The following SYNJ2 variants were observed in gnomAD, a reference collection of about 807,000 sequenced individuals.
SYNJ2 encodes polyphosphatidylinositol phosphatase SYNJ2.
SYNJ2 carries 116 observed loss-of-function variants against 141.3 expected under a neutral mutation model. That is an observed-to-expected ratio of 0.82 (90% CI 0.71 to 0.96). SYNJ2 has a LOEUF of 0.96. SYNJ2 is among the 40% of genes least tolerant of loss of function. The pLI is 0.00. For synonymous variants in SYNJ2, 745 were observed against 777.7 expected, an observed-to-expected ratio of 0.96 and a Z score of 0.70; for missense variants, 1,873 against 1,934.8, an observed-to-expected ratio of 0.97 and a Z score of 0.60.
intron 6 of SYNJ2, 75 bp downstream of exon 6, chr6:158,055,103 G>T: frequency 5.2e-6 from 8 of 1,540,396 alleles, no homozygotes; most frequent in Non-Finnish European, 7.1e-6. Context: ...ACACAAGGGA[G>T]AGGGTGCGAC....
chr6:158,086,985 T>A lies in SYNJ2; in HGVS notation c.3339T>A (p.Pro1113=). ...RPPQPPQRPP[P]PTGLMVKKSA... ...CTCAACCCCCGCAGAGACCCCCCCC[T>A]CCAAGTAAGACTCTGCTTGCTTTCA... The change falls in exon 23 of 27, where the codon CCT becomes CCA. Residue 1113 remains proline (P), a synonymous_variant. Transcript: ENST00000355585. The A allele has an allele frequency of 1.1e-6, 1 of 916,300 alleles. No individual in the cohort carries two copies. The highest frequency in any genetic ancestry group is 1.5e-6 in the Non-Finnish European group (1 of 660,492). 56.8% of individuals were successfully genotyped at this position (916,300 alleles called of 1,614,324 possible).
chr6:158,068,407 C>T (rs889747831), intron 12 of SYNJ2, among the ~76,000 whole-genome samples: 8 of 152,254 alleles, frequency 5.3e-5, no homozygotes, highest in African/African-American at 1.9e-4. Flanking sequence ...AAATTCTGAC[C>T]TCCCCTGTTC....
chr6:158,086,912 A>G lies in SYNJ2; in HGVS notation c.3266A>G (p.His1089Arg), dbSNP rs749142831. 1 of 1,609,634 alleles carries G rather than the reference A, an allele frequency of 6.2e-7. No homozygotes were observed. The highest frequency in any genetic ancestry group is 2.2e-5 in the East Asian group (1 of 44,864). Reference sequence around the variant, plus strand: ...CTGGAAGCCGTCGGGGAGTTCCGCCACCGTTCTCCGAGCAGGTCTCTGTCG... The same window carrying G: ...CTGGAAGCCGTCGGGGAGTTCCGCCGCCGTTCTCCGAGCAGGTCTCTGTCG... ...RELEAVGEFR[H>R]RSPSRSLSVP... The change falls in exon 23 of 27, where the codon CAC (histidine) becomes CGC (arginine). Residue 1089 changes from histidine (H) to arginine (R), a missense_variant. Physicochemically the swap from His to Arg is conservative, Grantham distance 29. Transcript: ENST00000355585.
intron 7 of SYNJ2, chr6:158,059,650 G>A (rs1046642376): frequency 2.2e-5 from 20 of 926,896 alleles, no homozygotes; most frequent in Middle Eastern, 4.8e-4. Flanking sequence ...TGCCTCCCAG[G>A]TACAAGCGAT....
At chr6:158,009,026 C>T (rs903453078) in intron 1 of SYNJ2, among the ~76,000 whole-genome samples, 1 of 152,212 alleles carries the variant, frequency 6.6e-6, no homozygotes, top group African/African-American at 2.4e-5. Flanking sequence ...GCCGCAGGAC[C>T]TTTGCACGTG....
At chr6:158,072,569 C>G (rs532661570) in intron 15 of SYNJ2, among the ~76,000 whole-genome samples, 4 of 152,286 alleles carry the variant, frequency 2.6e-5, no homozygotes, top group Non-Finnish European at 5.9e-5. Flanking sequence ...CCTGTGAGAA[C>G]AGATCCTTAA....
chr6:158,012,053 G>A (rs753614326), intron 1 of SYNJ2, among the ~76,000 whole-genome samples: 2 of 152,206 alleles, frequency 1.3e-5, no homozygotes, highest in Non-Finnish European at 2.9e-5. Flanking sequence ...CACAGCCTTT[G>A]TTTCTGCCTG....
intron 5 of SYNJ2, among the ~76,000 whole-genome samples, chr6:158,053,716 TCCAGCCATCCAGCCATCAATCCAC>T (rs1450624631): frequency 6.7e-6 from 1 of 150,156 alleles, no homozygotes; most frequent in East Asian, 2.0e-4. Flanking sequence ...CATCCACCCA[TCCAGCCATCCAGCCATCAATCCAC>T]CCAGCCATCC....
chr6:158,062,163 C>CG lies in SYNJ2; in HGVS notation c.1127+1dup, dbSNP rs1325132395. The CG allele has an allele frequency of 2.5e-6, 4 of 1,612,484 alleles. No individual in the cohort carries two copies. Among genetic ancestry groups the CG allele is most frequent in the Non-Finnish European group, 3.4e-6 (4 of 1,179,422 alleles). ...CACAAAGGGGGAGAACGTCAGTCCA[C>CG]GGTGAGGCTCGCTGCGCACTGTGCC... On this transcript the variant is annotated frameshift_variant and splice_region_variant, in exon 8 of 27. Transcript: ENST00000355585. LOFTEE classifies it high-confidence loss of function.
intron 5 of SYNJ2, among the ~76,000 whole-genome samples, chr6:158,048,540 A>G (rs1488736125): frequency 6.6e-6 from 1 of 152,054 alleles, no homozygotes; most frequent in Non-Finnish European, 1.5e-5. Context: ...TGCACAGAAG[A>G]CTCTGCTGGG....
At chr6:158,061,861 A>T in intron 7 of SYNJ2, 131 bp from the exon 8 acceptor site, 1 of 918,482 alleles carries the variant, frequency 1.1e-6, no homozygotes, top group Non-Finnish European at 1.7e-6. Context: ...GTCCACTGTG[A>T]GCTTCCAGCT....
intron 1 of SYNJ2, among the ~76,000 whole-genome samples, chr6:158,003,027 G>T (rs1048906115): frequency 1.3e-5 from 2 of 152,246 alleles, no homozygotes; most frequent in Admixed American, 1.3e-4. Flanking sequence ...GAGGGGTGTG[G>T]AAAGTGCTGG....
chr6:158,018,765 G>A (rs1272566769), intron 2 of SYNJ2, among the ~76,000 whole-genome samples: 3 of 152,222 alleles, frequency 2.0e-5, no homozygotes, highest in East Asian at 1.9e-4. Flanking sequence ...TACAGTAACG[G>A]GAACAGGCTC....
At chr6:158,010,642 G>A (rs1372427071) in intron 1 of SYNJ2, among the ~76,000 whole-genome samples, 4 of 152,226 alleles carry the variant, frequency 2.6e-5, no homozygotes, top group Non-Finnish European at 2.9e-5. Context: ...CCTAACCCCC[G>A]GGACCTCAGA....
intron 5 of SYNJ2, 108 bp from the exon 6 acceptor site, chr6:158,054,859 G>T (rs1265068797): frequency 8.8e-7 from 1 of 1,130,004 alleles, no homozygotes. Flanking sequence ...TGGCCTAGTG[G>T]GTGCCACATG....
chr6:158,087,280 G>A (rs919637386), intron 23 of SYNJ2, among the ~76,000 whole-genome samples: 4 of 152,190 alleles, frequency 2.6e-5, no homozygotes, highest in Non-Finnish European at 5.9e-5. Flanking sequence ...ATGCAGAATG[G>A]GGGCCGCAGC....
intron 1 of SYNJ2, among the ~76,000 whole-genome samples, chr6:157,986,100 A>G (rs1177636992): frequency 6.6e-6 from 1 of 152,164 alleles, no homozygotes; most frequent in Non-Finnish European, 1.5e-5. Flanking sequence ...TTGATCTGCT[A>G]GAGAGGACCA....
chr6:157,985,469 G>T (rs1777165333), intron 1 of SYNJ2, among the ~76,000 whole-genome samples: 1 of 152,322 alleles, frequency 6.6e-6, no homozygotes, highest in East Asian at 1.9e-4. Context: ...GAAGTCTCGG[G>T]AACCTGACTG....
In SYNJ2 at chr6:158,088,839, C is replaced by T; in HGVS notation, c.3456+67C>T. ...CCCGGGATAGTGTGGGATCTCTCTT[C>T]TCAGTGAATATATAGATTTATGTGT... is the stretch of plus-strand genomic sequence containing the variant. On this transcript the variant is annotated intron_variant, in intron 24 of 26. Transcript: ENST00000355585. 6 of 1,114,836 alleles carry T rather than the reference C, an allele frequency of 5.4e-6. No homozygotes were observed. In the South Asian group the frequency reaches 7.6e-5, roughly 14 times the overall value. 69.1% of individuals were successfully genotyped at this position (1,114,836 alleles called of 1,614,324 possible).
Sources: gnomAD v4.1 joint callset for allele counts (sites outside exome capture counted in the v4.1 genomes callset) on GRCh38, gnomAD v4.1.1 for gene constraint, MANE v1.5 for transcripts, NCBI Gene and HGNC (gene_info 2026-07-23, HGNC 2026-07-21) for gene names.